Variants in EYS observed in about 807,000 individuals in gnomAD.
EYS encodes the protein protein eyes shut homolog.
EYS carries 250 observed loss-of-function variants against 282.1 expected under a neutral mutation model. That is an observed-to-expected ratio of 0.89 (90% CI 0.80 to 0.98). The LOEUF (loss-of-function observed/expected upper bound fraction) is 0.98, where lower values mean the gene tolerates loss of function less well. Ranked by LOEUF, EYS falls within the 50% of genes least tolerant of loss-of-function variation. The pLI is 0.00. For missense variants in EYS, 4,016 were observed against 3,709.0 expected (o/e 1.08, Z -2.15); for synonymous variants, 1,355 against 1,282.9 (o/e 1.06, Z -1.20).
intron 2 of EYS, among the ~76,000 whole-genome samples, chr6:65,500,606 A>G (rs573186365): frequency 3.9e-4 from 60 of 152,082 alleles, no homozygotes; most frequent in Non-Finnish European, 6.5e-4. Context: ...TAGAGTTAAA[A>G]TCTCATTTAC....
chr6:64,188,181 T>C (rs79167918), intron 31 of EYS, among the ~76,000 whole-genome samples: 4,125 of 152,244 alleles, frequency 0.027, 60 homozygotes, highest in African/African-American at 0.043. Flanking sequence ...GTTCCACAGA[T>C]GAAATTAATC....
chr6:63,732,450 C>G (rs563796653), intron 41 of EYS, among the ~76,000 whole-genome samples: 1 of 152,152 alleles, frequency 6.6e-6, no homozygotes, highest in Non-Finnish European at 1.5e-5. Context: ...TTTTATTTAG[C>G]AGCTTCAAGG....
intron 1 of EYS, among the ~76,000 whole-genome samples, chr6:65,684,825 T>C (rs917903632): frequency 1.3e-5 from 2 of 152,032 alleles, no homozygotes; most frequent in Non-Finnish European, 2.9e-5. Flanking sequence ...ATATGATAAG[T>C]AGTTTTTCGT....
At chr6:65,484,637 C>T (rs565763700) in intron 5 of EYS, among the ~76,000 whole-genome samples, 3 of 152,238 alleles carry the variant, frequency 2.0e-5, no homozygotes, top group Admixed American at 1.3e-4. Flanking sequence ...TCTTCCAGCA[C>T]AATGTTTCCA....
At chr6:65,633,434 T>C (rs1434457904) in intron 2 of EYS, among the ~76,000 whole-genome samples, 2 of 152,220 alleles carry the variant, frequency 1.3e-5, no homozygotes, top group African/African-American at 4.8e-5. Flanking sequence ...TTTCAAAGCA[T>C]TTTCATTTTA....
At position 65,159,420 on chromosome 6, in the gene EYS, T is replaced by C. The variant is rs780302610; in HGVS notation, c.2024-101693A>G. Among the ~76,000 whole-genome samples the C allele has an allele frequency of 3.3e-5, 5 of 150,870 alleles. No homozygotes were observed. The South Asian group carries it at 6.2e-4, about 19-fold the overall frequency. ...TTTGTGTTTGCATTTAATAGGCCAA[T>C]GACATTTTGGCTTAATTTTTGTATC... On this transcript the variant is annotated intron_variant, in intron 12 of 42. Transcript: ENST00000503581.
At chr6:64,610,411 T>G (rs1206618070) in intron 24 of EYS, among the ~76,000 whole-genome samples, 1 of 147,180 alleles carries the variant, frequency 6.8e-6, no homozygotes, top group African/African-American at 2.5e-5. Flanking sequence ...AGAATTTTTT[T>G]TTTTTTTTTT....
At chr6:65,002,342 A>G (rs1771491740) in intron 13 of EYS, among the ~76,000 whole-genome samples, 1 of 147,244 alleles carries the variant, frequency 6.8e-6, no homozygotes, top group African/African-American at 2.4e-5. Flanking sequence ...AACAAAAATA[A>G]TAACTTGGTG....
At chr6:64,633,372 C>T (rs1014942139) in intron 22 of EYS, among the ~76,000 whole-genome samples, 36 of 151,920 alleles carry the variant, frequency 2.4e-4, no homozygotes, top group African/African-American at 8.2e-4. Flanking sequence ...TAAAACATTG[C>T]TTTATATATT....
chr6:64,670,975 A>C (rs1232216428), intron 22 of EYS, among the ~76,000 whole-genome samples: 1 of 151,872 alleles, frequency 6.6e-6, no homozygotes, highest in South Asian at 2.1e-4. Context: ...TCTTCTCCCA[A>C]TATTGGAAAG....
chr6:63,984,973 G>T (rs1238789682), intron 34 of EYS, among the ~76,000 whole-genome samples: 1 of 151,658 alleles, frequency 6.6e-6, no homozygotes, highest in Non-Finnish European at 1.5e-5. Context: ...ACTAATTGTT[G>T]TTAGGGGTTG....
intron 11 of EYS, chr6:65,330,310 T>A (rs116111994): frequency 1.7e-4 from 160 of 967,864 alleles, no homozygotes; most frequent in Admixed American, 7.4e-4. Context: ...TGTTATGATA[T>A]TTCTGGTAGC....
At chr6:65,084,115 G>A (rs1774299331) in intron 12 of EYS, among the ~76,000 whole-genome samples, 1 of 152,016 alleles carries the variant, frequency 6.6e-6, no homozygotes. Context: ...TAGCATGTCA[G>A]CAGAAGAAAT....
intron 35 of EYS, among the ~76,000 whole-genome samples, chr6:63,871,382 T>C (rs1772799822): frequency 6.6e-6 from 1 of 152,002 alleles, no homozygotes; most frequent in African/African-American, 2.4e-5. Flanking sequence ...TATCATCTGC[T>C]GGGCGTGGTG....
chr6:65,356,522 A>C (rs1255915338), intron 8 of EYS, among the ~76,000 whole-genome samples: 1 of 151,992 alleles, frequency 6.6e-6, no homozygotes, highest in Non-Finnish European at 1.5e-5. Flanking sequence ...TACTACTTTA[A>C]CCTGAAGACC....
chr6:63,793,316 G>T (rs182187365), intron 37 of EYS, among the ~76,000 whole-genome samples: 1 of 152,164 alleles, frequency 6.6e-6, no homozygotes, highest in African/African-American at 2.4e-5. Context: ...GTAGCCAAAG[G>T]TCGAGAGTGT....
At chr6:65,101,864 T>C (rs925150743) in intron 12 of EYS, among the ~76,000 whole-genome samples, 2 of 151,294 alleles carry the variant, frequency 1.3e-5, no homozygotes, top group African/African-American at 4.8e-5. Context: ...TATGTTACCC[T>C]ATTAGCATTA....
chr6:64,019,850 GTATATA>G lies in EYS; in HGVS notation c.6726-20673_6726-20668del, dbSNP rs35642018. Among the ~76,000 whole-genome samples the G allele has an allele frequency of 7.3e-3, 1,046 of 143,524 alleles. 7 individuals are homozygous for G. Among genetic ancestry groups the G allele is most frequent in the African/African-American group, 0.025 (958 of 38,584 alleles). 94.2% of individuals were successfully genotyped at this position (143,524 alleles called of 152,430 possible). A position where few individuals can be genotyped will look rare whatever the true frequency, so the allele number is the denominator to read the frequency against. On this transcript the variant is annotated intron_variant, in intron 33 of 42. Coordinates refer to ENST00000503581, the MANE Select transcript of EYS (RefSeq NM_001142800.2). The stretch of plus-strand genomic sequence containing the variant: ...TATATATATATATATGTATATATAA[GTATATA>G]TATATATATATACTTACATATATAA...
At chr6:64,766,649 A>AAAAAAAAAAAATATATATAT (rs1387919586) in intron 22 of EYS, among the ~76,000 whole-genome samples, 1 of 19,050 alleles carries the variant, frequency 5.2e-5, no homozygotes. Context: ...AAAAAAAAAA[A>AAAAAAAAAAAATATATATAT]ATATATATAT....
Sources: gnomAD v4.1 joint callset for allele counts (sites outside exome capture counted in the v4.1 genomes callset) on GRCh38, gnomAD v4.1.1 for gene constraint, MANE v1.5 for transcripts, NCBI Gene and HGNC (gene_info 2026-07-23, HGNC 2026-07-21) for gene names.